Variants in DPP4 observed in about 807,000 individuals in gnomAD.
DPP4 encodes ADCP-2.
A neutral mutation model predicts 122.4 loss-of-function variants in DPP4; 93 were observed. The ratio of observed to expected loss-of-function variants is 0.76; its 90% CI spans 0.64 to 0.90. DPP4 has a LOEUF of 0.90. Among genes scored for constraint, DPP4 ranks in the 40% least tolerant of loss-of-function variants. The pLI, the probability that DPP4 is intolerant of heterozygous loss-of-function variation, is 0.00. For missense variants in DPP4, 914 were observed against 907.3 expected, an observed-to-expected ratio of 1.01 and a Z score of -0.09; for synonymous variants, 321 against 302.9, an observed-to-expected ratio of 1.06 and a Z score of -0.62.
chr2:162,066,646 A>G (rs1684956492), intron 2 of DPP4, among the ~76,000 whole-genome samples: 1 of 152,218 alleles, frequency 6.6e-6, no homozygotes, highest in Non-Finnish European at 1.5e-5. Context: ...CTATAAAGGA[A>G]TATCTGAGGC....
In DPP4 at chr2:162,051,757, T is replaced by C. The variant is rs373466637; in HGVS notation, c.95-4256A>G. Among the ~76,000 whole-genome samples, 156 of 152,344 alleles carry C rather than the reference T, an allele frequency of 1.0e-3. 2 individuals carry two copies. Among genetic ancestry groups the C allele is most frequent in the African/African-American group, 3.5e-3 (144 of 41,574 alleles). The stretch of plus-strand genomic sequence containing the variant: ...TGAATGTCCCTTCATCCTGTGGCTA[T>C]ATTCTCCAGCAGCACATGCAGGCTG... On this transcript the variant is annotated intron_variant, in intron 2 of 25. Transcript: ENST00000360534.
chr2:162,020,526 G>C, intron 13 of DPP4, 55 bp downstream of exon 13: 1 of 1,395,330 alleles, frequency 7.2e-7, no homozygotes, highest in East Asian at 2.3e-5. Context: ...CTTCAAGTTG[G>C]TTTCCAAAAA....
At chr2:162,026,763 G>A (rs552448648) in intron 10 of DPP4, among the ~76,000 whole-genome samples, 7 of 152,260 alleles carry the variant, frequency 4.6e-5, no homozygotes, top group East Asian at 3.9e-4. Context: ...ATGAGAACCT[G>A]GAAAGGTGAA....
chr2:162,022,756 C>T lies in DPP4; in HGVS notation c.1067G>A (p.Arg356Lys), dbSNP rs752793888. 6.2e-7 allele frequency: 1 copy of T among 1,614,068 alleles called. No individual in the cohort carries two copies. Among genetic ancestry groups the T allele is most frequent in the Non-Finnish European group, 8.5e-7 (1 of 1,180,002 alleles). Residue 356 changes from arginine to lysine, a missense_variant and splice_region_variant, in exon 12 of 26, where the codon AGA becomes AAA. Arg to Lys is a conservative substitution (Grantham distance 26, BLOSUM62 2). Coordinates refer to ENST00000360534, the MANE Select transcript of DPP4 (RefSeq NM_001935.4). ...AACCCCACAACTTATAACACTTACTCTTCCAACCCAGCCAGTAGTACTCAT... is the reference window on the plus strand; with the variant it reads ...AACCCCACAACTTATAACACTTACTTTTCCAACCCAGCCAGTAGTACTCAT... ...IEMSTTGWVG[R>K]FRPSEPHFTL...
intron 2 of DPP4, among the ~76,000 whole-genome samples, chr2:162,054,852 T>C (rs900346745): frequency 1.3e-5 from 2 of 152,150 alleles, no homozygotes; most frequent in Non-Finnish European, 2.9e-5. Context: ...ATCTATAACA[T>C]GAGACTAATA....
At chr2:162,029,156 C>A (rs1420931923) in intron 10 of DPP4, among the ~76,000 whole-genome samples, 1 of 152,190 alleles carries the variant, frequency 6.6e-6, no homozygotes, top group African/African-American at 2.4e-5. Context: ...GTAAAGTGAC[C>A]ACCTGTCCCA....
chr2:162,004,019 T>C (rs1701219725), intron 23 of DPP4, among the ~76,000 whole-genome samples: 1 of 151,438 alleles, frequency 6.6e-6, no homozygotes, highest in African/African-American at 2.4e-5. Context: ...TGGGTGGAGA[T>C]GGAGGGGAAA....
At chr2:162,064,677 A>G (rs567094330) in intron 2 of DPP4, among the ~76,000 whole-genome samples, 9 of 152,350 alleles carry the variant, frequency 5.9e-5, no homozygotes, top group Non-Finnish European at 1.2e-4. Flanking sequence ...TTCCCCTCAG[A>G]TGTTTCTTAC....
Position 162,020,152 on chromosome 2 carries a change from T to A in DPP4, c.1244+77A>T. 4.7e-6 allele frequency: 6 copies of A among 1,271,818 alleles called. No homozygotes were observed. In the South Asian group the frequency reaches 5.1e-5, roughly 11 times the overall value. The allele number at this position is 1,271,818 out of a possible 1,614,324, so 78.8% of individuals were successfully genotyped here. A position where few individuals can be genotyped will look rare whatever the true frequency, so the allele number is the denominator to read the frequency against. The stretch of plus-strand genomic sequence containing the variant: ...AGACTACTCTTTATTTGTAGGAGAT[T>A]TTTTCCCTACTTCTGGGCAAAGAGG... On this transcript the variant is annotated intron_variant, in intron 14 of 25. Coordinates refer to ENST00000360534, the MANE Select transcript of DPP4 (RefSeq NM_001935.4).
chr2:162,073,512 A>G (rs775602780), intron 1 of DPP4, 26 bp from the exon 2 acceptor site: 3 of 1,609,772 alleles, frequency 1.9e-6, no homozygotes, highest in South Asian at 2.2e-5. Flanking sequence ...ATCAAGTCCA[A>G]TTAGAGGGAA....
rs541811129 is a variant in DPP4, at chr2:161,996,490, A to G, written c.2053-1118T>C. Among the ~76,000 whole-genome samples the G allele has an allele frequency of 6.6e-5, 10 of 152,314 alleles. No individual in the cohort carries two copies. The South Asian group carries it at 8.3e-4, about 13-fold the overall frequency. On this transcript the variant is annotated intron_variant, in intron 23 of 25. Coordinates refer to ENST00000360534, the MANE Select transcript of DPP4 (RefSeq NM_001935.4). ...TGGGAACCTTGGTGGTCTGGCAGGA[A>G]GGGGATGGGGCTAAAGTAACAGTGT... is the stretch of plus-strand genomic sequence containing the variant.
chr2:162,019,184 C>A, intron 15 of DPP4, 39 bp downstream of exon 15: 1 of 1,552,004 alleles, frequency 6.4e-7, no homozygotes, highest in Non-Finnish European at 8.8e-7. Context: ...TGTTCGTCAG[C>A]TAAAATGACT....
At position 162,020,312 on chromosome 2, in the gene DPP4, T is replaced by C; in HGVS notation, c.1177-16A>G. The C allele has an allele frequency of 1.3e-6, 2 of 1,531,432 alleles. No homozygotes were observed. Among genetic ancestry groups the C allele is most frequent in the Admixed American group, 2.1e-5 (1 of 47,364 alleles). 94.9% of individuals were successfully genotyped at this position (1,531,432 alleles called of 1,614,324 possible). A position where few individuals can be genotyped will look rare whatever the true frequency, so the allele number is the denominator to read the frequency against. On this transcript the variant is annotated splice_polypyrimidine_tract_variant and intron_variant, in intron 13 of 25. Transcript: ENST00000360534. ...ATGTGCAGTCCTGATGGTTTTTTTT[T>C]TTTTTCAAAAAAAAAAAAAAGATTG...
intron 10 of DPP4, among the ~76,000 whole-genome samples, chr2:162,030,213 C>T (rs1379799600): frequency 6.6e-6 from 1 of 152,178 alleles, no homozygotes; most frequent in Non-Finnish European, 1.5e-5. Flanking sequence ...ACAACGAACA[C>T]AAAATAGCAT....
intron 5 of DPP4, among the ~76,000 whole-genome samples, chr2:162,044,291 G>A (rs768506765): frequency 6.6e-6 from 1 of 152,180 alleles, no homozygotes; most frequent in Non-Finnish European, 1.5e-5. Flanking sequence ...CCAGGAGAGT[G>A]AGCCCAGCCC....
intron 22 of DPP4, 40 bp downstream of exon 22, chr2:162,008,522 A>G: frequency 6.4e-7 from 1 of 1,562,960 alleles, no homozygotes; most frequent in Non-Finnish European, 8.8e-7. Context: ...TTTTGAGGTC[A>G]ACACTCCGTA....
intron 10 of DPP4, among the ~76,000 whole-genome samples, chr2:162,030,876 G>A (rs1439574149): frequency 6.6e-6 from 1 of 152,176 alleles, no homozygotes; most frequent in Non-Finnish European, 1.5e-5. Context: ...AGTCTTAAGT[G>A]TGACTTAAAG....
Position 161,993,301 on chromosome 2 carries a change from T to C in DPP4, c.2283A>G (p.Gln761=), listed in dbSNP as rs142020052. The C allele has an allele frequency of 5.2e-5, 84 of 1,612,710 alleles. 1 individual carries two copies. The highest frequency in any genetic ancestry group is 2.5e-4 in the East Asian group (11 of 44,832). Residue 761 remains glutamine (Q), a synonymous_variant, in exon 26 of 26, where the codon CAA becomes CAG. Coordinates refer to ENST00000360534, the MANE Select transcript of DPP4 (RefSeq NM_001935.4). ...TGAGGTGCTAAGGTAAAGAGAAACA[T>C]TGTTTTATGAAGTGGCTCATGTGGG... is the stretch of plus-strand genomic sequence containing the variant. ...IYTHMSHFIK[Q]CFSLP
chr2:162,006,033 A>C (rs1170196150), intron 22 of DPP4, among the ~76,000 whole-genome samples: 3 of 152,162 alleles, frequency 2.0e-5, no homozygotes, highest in Non-Finnish European at 2.9e-5. Flanking sequence ...CAGAGATGCT[A>C]ATTCCCAGAT....
Sources: allele counts gnomAD v4.1 joint callset (sites outside exome capture counted in the v4.1 genomes callset), GRCh38; gene constraint gnomAD v4.1.1; transcripts MANE v1.5; gene names NCBI Gene and HGNC (gene_info 2026-07-23, HGNC 2026-07-21).